Variants in SLC24A2 observed in about 807,000 individuals in gnomAD.
SLC24A2 encodes sodium/potassium/calcium exchanger 2.
SLC24A2 carries 36 observed loss-of-function variants against 62.0 expected under a neutral mutation model. The observed-to-expected ratio is 0.58, with a 90% CI of 0.44 to 0.77. The LOEUF is 0.77. SLC24A2 is among the 30% of genes least tolerant of loss of function. SLC24A2 has a pLI of 0.00. For synonymous variants in SLC24A2, 358 were observed against 294.0 expected (o/e 1.22, Z -2.23); for missense variants, 846 against 817.9 (o/e 1.03, Z -0.42).
the SLC24A2 span, among the ~76,000 whole-genome samples, chr9:19,990,589 G>A: frequency 2.9e-4 from 39 of 133,220 alleles, no homozygotes; most frequent in African/African-American, 1.0e-3. Flanking sequence ...CCAGCCTGGC[G>A]ACAGAGCAAG....
intron 7 of SLC24A2, among the ~76,000 whole-genome samples, chr9:19,550,899 A>T (rs1418016767): frequency 1.3e-5 from 2 of 152,032 alleles, no homozygotes; most frequent in Non-Finnish European, 2.9e-5. Flanking sequence ...TATTTTTTAC[A>T]TGCATTGAAT....
At chr9:20,017,214 G>T in the SLC24A2 span, among the ~76,000 whole-genome samples, 1 of 151,936 alleles carries the variant, frequency 6.6e-6, no homozygotes, top group Non-Finnish European at 1.5e-5. Flanking sequence ...GTAGAGACAG[G>T]GTTTCACCAC....
rs148640776 is a variant in SLC24A2 at position 19,549,208 on chromosome 9, G to T, written c.1479+929C>A. On this transcript the variant is annotated intron_variant, in intron 8 of 10. Coordinates refer to ENST00000341998, the MANE Select transcript of SLC24A2 (RefSeq NM_020344.4). Reference sequence around the variant, plus strand: ...TAATGATAGTCACAAGAATGTTCAAGAAAATGTGAGTAACCTTCCTGCTTC... The same window carrying T: ...TAATGATAGTCACAAGAATGTTCAATAAAATGTGAGTAACCTTCCTGCTTC... Among the ~76,000 whole-genome samples the T allele has an allele frequency of 2.9e-3, 446 of 152,316 alleles. 5 individuals carry two copies. Among genetic ancestry groups the T allele is most frequent in the African/African-American group, 0.01 (424 of 41,570 alleles).
the SLC24A2 span, among the ~76,000 whole-genome samples, chr9:20,101,439 G>A: frequency 6.6e-6 from 1 of 152,224 alleles, no homozygotes; most frequent in East Asian, 1.9e-4. Flanking sequence ...TTGCCTTGGG[G>A]CAGATCTTTG....
intron 8 of SLC24A2, among the ~76,000 whole-genome samples, chr9:19,547,014 C>A (rs139502396): frequency 2.1e-3 from 313 of 152,234 alleles, no homozygotes; most frequent in Middle Eastern, 6.8e-3. Flanking sequence ...GTGGAAAAAT[C>A]ACCTGCCTTC....
the SLC24A2 span, among the ~76,000 whole-genome samples, chr9:20,249,966 G>A: frequency 4.6e-5 from 7 of 152,188 alleles, no homozygotes; most frequent in East Asian, 1.4e-3. Flanking sequence ...AAGTAACTCA[G>A]AATCTAAAAC....
chr9:20,271,793 A>T, the SLC24A2 span, among the ~76,000 whole-genome samples: 3 of 152,208 alleles, frequency 2.0e-5, no homozygotes, highest in Non-Finnish European at 4.4e-5. Flanking sequence ...AAATGCATAT[A>T]ATATATAAAG....
At chr9:19,575,214 T>C (rs1405291106) in intron 6 of SLC24A2, among the ~76,000 whole-genome samples, 1 of 152,234 alleles carries the variant, frequency 6.6e-6, no homozygotes, top group Non-Finnish European at 1.5e-5. Context: ...GCGATACGTA[T>C]GTGATGTGCT....
chr9:20,115,922 T>C, the SLC24A2 span, among the ~76,000 whole-genome samples: 1 of 152,116 alleles, frequency 6.6e-6, no homozygotes. Context: ...TTTGGCAAAA[T>C]CCCAAGGCAA....
chr9:20,237,452 G>C, the SLC24A2 span, among the ~76,000 whole-genome samples: 3 of 152,134 alleles, frequency 2.0e-5, no homozygotes, highest in Non-Finnish European at 4.4e-5. Flanking sequence ...CATGCTCTCT[G>C]CATCAAAGTA....
chr9:19,844,627 C>G, the SLC24A2 span, among the ~76,000 whole-genome samples: 1 of 151,978 alleles, frequency 6.6e-6, no homozygotes, highest in Non-Finnish European at 1.5e-5. Flanking sequence ...CTTAGGTTTT[C>G]TTCTGGGATT....
At chr9:19,669,958 C>T (rs986525915) in intron 2 of SLC24A2, among the ~76,000 whole-genome samples, 1 of 152,236 alleles carries the variant, frequency 6.6e-6, no homozygotes, top group African/African-American at 2.4e-5. Flanking sequence ...GAACATCCCA[C>T]AATTATTGGT....
chr9:19,817,399 G>T, the SLC24A2 span, among the ~76,000 whole-genome samples: 8 of 151,704 alleles, frequency 5.3e-5, no homozygotes, highest in Non-Finnish European at 8.8e-5. Flanking sequence ...GTGGAATTTG[G>T]GTTAACTGAT....
At chr9:19,805,219 A>T in the SLC24A2 span, among the ~76,000 whole-genome samples, 1 of 152,148 alleles carries the variant, frequency 6.6e-6, no homozygotes, top group African/African-American at 2.4e-5. Context: ...GTCACTCATC[A>T]TATTGACTTA....
the SLC24A2 span, among the ~76,000 whole-genome samples, chr9:20,201,649 A>C: frequency 1.3e-5 from 2 of 152,328 alleles, no homozygotes; most frequent in East Asian, 3.9e-4. Flanking sequence ...TCATTCCACA[A>C]AGAGTCCTTT....
the SLC24A2 span, among the ~76,000 whole-genome samples, chr9:20,142,245 A>C: frequency 1.3e-5 from 2 of 152,130 alleles, no homozygotes; most frequent in Non-Finnish European, 2.9e-5. Flanking sequence ...ATAATTACCG[A>C]TTGATTAGTA....
chr9:20,267,589 A>G, the SLC24A2 span, among the ~76,000 whole-genome samples: 1 of 152,174 alleles, frequency 6.6e-6, no homozygotes, highest in Non-Finnish European at 1.5e-5. Flanking sequence ...GAGGCATTGG[A>G]TGCCTCACCT....
chr9:19,640,161 G>C (rs1378293827), intron 2 of SLC24A2, among the ~76,000 whole-genome samples: 1 of 152,146 alleles, frequency 6.6e-6, no homozygotes, highest in Non-Finnish European at 1.5e-5. Context: ...CAGTCAAAAA[G>C]CATGATGTCT....
intron 7 of SLC24A2, among the ~76,000 whole-genome samples, chr9:19,557,814 CTTTTTTTTTT>C (rs927387911): frequency 1.2e-4 from 17 of 139,286 alleles, no homozygotes; most frequent in Non-Finnish European, 1.9e-4. Context: ...GCTCACATTT[CTTTTTTTTTT>C]TTTTGAGACA....
Sources: allele counts gnomAD v4.1 joint callset (sites outside exome capture counted in the v4.1 genomes callset), GRCh38; gene constraint gnomAD v4.1.1; transcripts MANE v1.5; gene names NCBI Gene and HGNC (gene_info 2026-07-23, HGNC 2026-07-21).